The following PRKCA variants were observed in gnomAD, a reference collection of about 807,000 sequenced individuals.
PRKCA encodes the protein protein kinase C alpha type.
PRKCA carries 27 observed loss-of-function variants against 87.0 expected under a neutral mutation model. That is an observed-to-expected ratio of 0.31 (90% CI 0.23 to 0.43). The LOEUF is 0.43. Among genes scored for constraint, PRKCA ranks in the 20% least tolerant of loss-of-function variants. The pLI is 1.00. For synonymous variants in PRKCA, 329 were observed against 311.1 expected, an observed-to-expected ratio of 1.06 and a Z score of -0.61; for missense variants, 518 against 852.3, an observed-to-expected ratio of 0.61 and a Z score of 4.88.
At chr17:66,735,465 A>G (rs1421800801) in intron 9 of PRKCA, 24 bp from the exon 10 acceptor site, 1 of 1,614,046 alleles carries the variant, frequency 6.2e-7, no homozygotes. Context: ...ACAAGTGTTC[A>G]GGTTGTTCTT....
At chr17:66,338,298 G>T (rs1006663235) in intron 2 of PRKCA, among the ~76,000 whole-genome samples, 6 of 152,050 alleles carry the variant, frequency 3.9e-5, no homozygotes, top group Non-Finnish European at 5.9e-5. Context: ...CCTGGCTCTA[G>T]ACTGAAGACT....
At chr17:66,418,447 T>G (rs1291587572) in intron 2 of PRKCA, among the ~76,000 whole-genome samples, 1 of 151,902 alleles carries the variant, frequency 6.6e-6, no homozygotes, top group South Asian at 2.1e-4. Flanking sequence ...AGCCTTTTTT[T>G]TTTTTTTGAG....
intron 3 of PRKCA, among the ~76,000 whole-genome samples, chr17:66,565,883 G>C (rs575384961): frequency 1.3e-5 from 2 of 152,000 alleles, no homozygotes; most frequent in Admixed American, 1.3e-4. Context: ...TTTTGAGTCC[G>C]TTGACTACCC....
chr17:66,591,980 G>T (rs9899294), intron 3 of PRKCA, among the ~76,000 whole-genome samples: 196 of 152,178 alleles, frequency 1.3e-3, no homozygotes, highest in African/African-American at 4.4e-3. Flanking sequence ...AGCTTTGGGG[G>T]TTTCTTGGCC....
chr17:66,428,149 C>T (rs1912912282), intron 2 of PRKCA, among the ~76,000 whole-genome samples: 1 of 152,120 alleles, frequency 6.6e-6, no homozygotes, highest in Non-Finnish European at 1.5e-5. Flanking sequence ...ACTTCGATTC[C>T]ACTCTCTGTG....
At chr17:66,800,855 G>A (rs1312520109) in intron 16 of PRKCA, among the ~76,000 whole-genome samples, 2 of 152,200 alleles carry the variant, frequency 1.3e-5, no homozygotes, top group East Asian at 3.9e-4. Context: ...TAGGGACTCA[G>A]TCCTTTTATT....
chr17:66,752,675 A>G (rs9902810), intron 13 of PRKCA, among the ~76,000 whole-genome samples: 7,291 of 152,282 alleles, frequency 0.048, 278 homozygotes, highest in African/African-American at 0.1. Context: ...TTGCTGCTGC[A>G]GGGACATCCC....
chr17:66,779,892 A>G (rs1267913048), intron 14 of PRKCA, among the ~76,000 whole-genome samples: 1 of 152,128 alleles, frequency 6.6e-6, no homozygotes, highest in African/African-American at 2.4e-5. Flanking sequence ...GGCATCCAAA[A>G]TGGTAATGTA....
chr17:66,627,359 A>C (rs1260763473), intron 3 of PRKCA, among the ~76,000 whole-genome samples: 1 of 152,114 alleles, frequency 6.6e-6, no homozygotes, highest in Admixed American at 6.5e-5. Context: ...CTTCAGGTTG[A>C]GTTCTGGGAG....
At chr17:66,560,836 A>C (rs1968656925) in intron 3 of PRKCA, among the ~76,000 whole-genome samples, 1 of 152,202 alleles carries the variant, frequency 6.6e-6, no homozygotes, top group African/African-American at 2.4e-5. Flanking sequence ...CTGCTGGGCA[A>C]GTCTGGCTGA....
intron 2 of PRKCA, among the ~76,000 whole-genome samples, chr17:66,451,339 T>C (rs1914300863): frequency 7.0e-6 from 1 of 142,682 alleles, no homozygotes; most frequent in African/African-American, 2.6e-5. Flanking sequence ...GAATACGGAG[T>C]TAGAATTTAT....
intron 2 of PRKCA, among the ~76,000 whole-genome samples, chr17:66,384,753 C>G (rs1909959848): frequency 6.6e-6 from 1 of 152,070 alleles, no homozygotes; most frequent in African/African-American, 2.4e-5. Context: ...CTCAGCCTCC[C>G]AAGTAGCTGG....
chr17:66,525,171 C>A (rs1418342406), intron 3 of PRKCA, among the ~76,000 whole-genome samples: 1 of 152,118 alleles, frequency 6.6e-6, no homozygotes, highest in Non-Finnish European at 1.5e-5. Flanking sequence ...GTTCTGATTA[C>A]CCTCCTGGAG....
At chr17:66,475,936 G>A (rs984948051) in intron 2 of PRKCA, among the ~76,000 whole-genome samples, 8 of 151,828 alleles carry the variant, frequency 5.3e-5, no homozygotes, top group African/African-American at 1.5e-4. Context: ...TTGCTCTGTC[G>A]CCCAGGCTGG....
chr17:66,774,751 T>C, intron 14 of PRKCA: 1 of 985,650 alleles, frequency 1.0e-6, no homozygotes, highest in Non-Finnish European at 1.2e-6. Flanking sequence ...CCAATGTGTG[T>C]AATTAGTATT....
chr17:66,430,027 A>G (rs1386806295), intron 2 of PRKCA, among the ~76,000 whole-genome samples: 2 of 152,148 alleles, frequency 1.3e-5, no homozygotes, highest in East Asian at 3.9e-4. Flanking sequence ...CACACTCTTT[A>G]TATGATAGAG....
chr17:66,546,485 C>T (rs186153730), intron 3 of PRKCA, among the ~76,000 whole-genome samples: 1 of 152,178 alleles, frequency 6.6e-6, no homozygotes, highest in African/African-American at 2.4e-5. Context: ...TTGCATTTTC[C>T]TACGTTGTGT....
At chr17:66,309,386 A>G (rs943319159) in intron 2 of PRKCA, among the ~76,000 whole-genome samples, 1 of 152,168 alleles carries the variant, frequency 6.6e-6, no homozygotes, top group African/African-American at 2.4e-5. Context: ...GGGGAAGGGA[A>G]GGGCGTTTCT....
intron 3 of PRKCA, among the ~76,000 whole-genome samples, chr17:66,608,186 G>A (rs947939152): frequency 6.6e-5 from 10 of 152,048 alleles, no homozygotes; most frequent in Admixed American, 4.6e-4. Context: ...GGAGCACACC[G>A]ATTGGAGCAC....
Sources: allele counts gnomAD v4.1 joint callset (sites outside exome capture counted in the v4.1 genomes callset), GRCh38; gene constraint gnomAD v4.1.1; transcripts MANE v1.5; gene names NCBI Gene and HGNC (gene_info 2026-07-23, HGNC 2026-07-21).